The following RELN variants were observed in gnomAD, a reference collection of about 807,000 sequenced individuals.
The protein encoded by RELN is reelin.
A neutral mutation model predicts 427.6 loss-of-function variants in RELN; 108 were observed. The ratio of observed to expected loss-of-function variants is 0.25; its 90% CI spans 0.22 to 0.30. RELN has a LOEUF of 0.30. Among genes scored for constraint, RELN ranks in the 10% least tolerant of loss-of-function variants. The probability of loss-of-function intolerance (pLI) is 1.00; values close to 1 mark genes in which losing one functional copy is unlikely to be tolerated. For synonymous variants in RELN, 1,524 were observed against 1,513.4 expected, an observed-to-expected ratio of 1.01 and a Z score of -0.16; for missense variants, 3,715 against 4,302.8, an observed-to-expected ratio of 0.86 and a Z score of 3.82.
intron 8 of RELN, among the ~76,000 whole-genome samples, chr7:103,710,600 G>A (rs1171310131): frequency 6.6e-6 from 1 of 152,190 alleles, no homozygotes; most frequent in Non-Finnish European, 1.5e-5. Context: ...CAATTCTATA[G>A]TGATTCTAAA....
chr7:103,848,299 A>C (rs781559572), intron 2 of RELN, among the ~76,000 whole-genome samples: 5 of 152,248 alleles, frequency 3.3e-5, no homozygotes, highest in Non-Finnish European at 7.3e-5. Flanking sequence ...TAAAATTTCA[A>C]CATTTAATGA....
At position 103,596,277 on chromosome 7, in the gene RELN, T is replaced by C. The variant is rs565229869; in HGVS notation, c.3539+179A>G. Among the ~76,000 whole-genome samples the C allele has an allele frequency of 3.9e-5, 6 of 152,316 alleles. No homozygotes were observed. In the East Asian group the frequency reaches 1.2e-3, roughly 29 times the overall value. ...TTAAAAATTCAAACATGAATACAAATGCTTTCTGTCCAGTCACTTAAGTGA... is the reference window on the plus strand; with the variant it reads ...TTAAAAATTCAAACATGAATACAAACGCTTTCTGTCCAGTCACTTAAGTGA... On this transcript the variant is annotated intron_variant, in intron 25 of 64. Transcript: ENST00000428762.
Position 103,523,376 on chromosome 7 carries a change from A to G in RELN, c.7490+15T>C, listed in dbSNP as rs1328326398. 6.2e-7 allele frequency: 1 copy of G among 1,614,166 alleles called. No homozygotes were observed. The highest frequency in any genetic ancestry group is 8.5e-7 in the Non-Finnish European group (1 of 1,180,016). ...TCAGGAGCTTTCAACAGAAGGAAGA[A>G]AAAAACCGACTTACACGCAGTTTCC... On this transcript the variant is annotated intron_variant, in intron 47 of 64. Coordinates refer to ENST00000428762, the MANE Select transcript of RELN (RefSeq NM_005045.4).
intron 28 of RELN, among the ~76,000 whole-genome samples, chr7:103,576,944 G>A (rs531365670): frequency 1.4e-4 from 22 of 151,982 alleles, no homozygotes; most frequent in Admixed American, 6.6e-4. Flanking sequence ...ATGGAAACAC[G>A]TGCACACACG....
At chr7:103,554,276 A>G (rs1830478012) in intron 38 of RELN, among the ~76,000 whole-genome samples, 1 of 151,984 alleles carries the variant, frequency 6.6e-6, no homozygotes, top group Non-Finnish European at 1.5e-5. Context: ...TACTTTGTAT[A>G]TTGTCAGTGA....
chr7:103,906,000 G>C (rs1170028347), intron 2 of RELN, among the ~76,000 whole-genome samples: 2 of 152,120 alleles, frequency 1.3e-5, no homozygotes, highest in Non-Finnish European at 2.9e-5. Flanking sequence ...ACACAAACAA[G>C]GGCAGTAGAC....
chr7:103,807,586 G>T (rs940547455), intron 3 of RELN, among the ~76,000 whole-genome samples: 6 of 152,202 alleles, frequency 3.9e-5, no homozygotes, highest in Non-Finnish European at 8.8e-5. Context: ...GTCCCGATAG[G>T]TAGCCTGCCA....
At chr7:103,882,165 A>G (rs1794622321) in intron 2 of RELN, among the ~76,000 whole-genome samples, 1 of 152,236 alleles carries the variant, frequency 6.6e-6, no homozygotes, top group African/African-American at 2.4e-5. Flanking sequence ...AACTAATGCT[A>G]TGTTAAACTG....
At chr7:103,777,286 T>A (rs187353890) in intron 3 of RELN, among the ~76,000 whole-genome samples, 1 of 152,164 alleles carries the variant, frequency 6.6e-6, no homozygotes, top group Non-Finnish European at 1.5e-5. Context: ...AAAAGTCTTA[T>A]TAAAGGAATA....
At chr7:103,711,874 G>A (rs768110237) in intron 8 of RELN, among the ~76,000 whole-genome samples, 14 of 152,062 alleles carry the variant, frequency 9.2e-5, no homozygotes, top group Non-Finnish European at 1.6e-4. Context: ...GCCCAGGATC[G>A]TCTCAAACTC....
chr7:103,592,569 T>C (rs1208556201), intron 27 of RELN, among the ~76,000 whole-genome samples: 1 of 152,160 alleles, frequency 6.6e-6, no homozygotes, highest in East Asian at 1.9e-4. Flanking sequence ...CTGGGTCAAA[T>C]GGTAGAGAAT....
intron 2 of RELN, among the ~76,000 whole-genome samples, chr7:103,844,817 T>C (rs1793635446): frequency 6.6e-6 from 1 of 152,228 alleles, no homozygotes; most frequent in South Asian, 2.1e-4. Context: ...TCATTAAATG[T>C]TGAAATTTTA....
intron 1 of RELN, among the ~76,000 whole-genome samples, chr7:103,970,626 A>G (rs769905878): frequency 1.3e-4 from 20 of 152,224 alleles, no homozygotes; most frequent in Non-Finnish European, 2.2e-4. Context: ...AGCATAAGTT[A>G]CATTGCCTTT....
At chr7:103,929,497 G>A (rs1016564488) in intron 1 of RELN, among the ~76,000 whole-genome samples, 3 of 152,098 alleles carry the variant, frequency 2.0e-5, no homozygotes, top group Non-Finnish European at 4.4e-5. Flanking sequence ...GTTCCTGTGA[G>A]GCTTTGGTTA....
chr7:103,771,832 T>C (rs1242579048), intron 4 of RELN, among the ~76,000 whole-genome samples: 4 of 152,204 alleles, frequency 2.6e-5, no homozygotes, highest in African/African-American at 9.6e-5. Context: ...AACTTTAAAC[T>C]GCCCAGCATT....
intron 3 of RELN, among the ~76,000 whole-genome samples, chr7:103,833,007 T>A (rs1193278766): frequency 6.6e-6 from 1 of 152,210 alleles, no homozygotes; most frequent in East Asian, 1.9e-4. Flanking sequence ...ACTTATTGCA[T>A]ATATTTATGG....
chr7:103,725,669 T>G (rs1207245716), intron 7 of RELN, among the ~76,000 whole-genome samples: 1 of 152,180 alleles, frequency 6.6e-6, no homozygotes, highest in Admixed American at 6.5e-5. Flanking sequence ...TTCCTTTAAA[T>G]GAGTGAGAAA....
chr7:103,508,438 G>T (rs1296934668), intron 51 of RELN, among the ~76,000 whole-genome samples: 6 of 152,136 alleles, frequency 3.9e-5, no homozygotes, highest in African/African-American at 1.4e-4. Context: ...AAAGGCCTTC[G>T]CCAATATTCA....
chr7:103,609,293 G>A (rs1831893690), intron 22 of RELN, among the ~76,000 whole-genome samples: 1 of 150,894 alleles, frequency 6.6e-6, no homozygotes, highest in Non-Finnish European at 1.5e-5. Context: ...TGCTTCACAT[G>A]TCAATGAGTA....
Sources: gnomAD v4.1 joint callset for allele counts (sites outside exome capture counted in the v4.1 genomes callset) on GRCh38, gnomAD v4.1.1 for gene constraint, MANE v1.5 for transcripts, NCBI Gene and HGNC (gene_info 2026-07-23, HGNC 2026-07-21) for gene names.